SRGAP2B: variants seen among roughly 807,000 people sequenced by gnomAD.
SRGAP2B encodes the protein SLIT-ROBO Rho GTPase activating protein 2B, also known as SLIT-ROBO Rho GTPase-activating protein 2B.
Under a neutral mutation model 22.2 loss-of-function variants are expected in SRGAP2B, and 9 were observed. The ratio of observed to expected loss-of-function variants is 0.41; its 90% CI spans 0.24 to 0.71. The LOEUF (loss-of-function observed/expected upper bound fraction) is 0.71. SRGAP2B is among the 30% of genes least tolerant of loss of function. The probability of loss-of-function intolerance (pLI) is 0.35; values close to 1 mark genes in which losing one functional copy is unlikely to be tolerated. For synonymous variants in SRGAP2B, 36 were observed against 87.4 expected, an observed-to-expected ratio of 0.41 and a Z score of 3.28; for missense variants, 114 against 235.8, an observed-to-expected ratio of 0.48 and a Z score of 3.38.
At chr1:144,951,112 C>A (rs587684093) in intron 4 of SRGAP2B, among the ~76,000 whole-genome samples, 2 of 150,810 alleles carry the variant, frequency 1.3e-5, no homozygotes, top group Non-Finnish European at 2.9e-5. Context: ...CCTCCCAAAG[C>A]GCTGCGATTA....
At chr1:144,926,759 T>A (rs1171244969) in intron 4 of SRGAP2B, among the ~76,000 whole-genome samples, 1 of 143,744 alleles carries the variant, frequency 7.0e-6, no homozygotes, top group Non-Finnish European at 1.5e-5. Flanking sequence ...CTTGGGACGC[T>A]GAGGTGGGAG....
chr1:145,089,101 A>C (rs1231914644), intron 2 of SRGAP2B, among the ~76,000 whole-genome samples: 3 of 151,412 alleles, frequency 2.0e-5, no homozygotes, highest in African/African-American at 7.3e-5. Context: ...ACCATTATTT[A>C]TCAGGGACTT....
intron 4 of SRGAP2B, chr1:144,917,825 C>T (rs1553603956): frequency 2.2e-5 from 2 of 89,642 alleles, no homozygotes; most frequent in Non-Finnish European, 4.0e-5. Flanking sequence ...AGTGTCTCTC[C>T]TTTCACAGAT....
At chr1:144,913,892 C>T (rs1553603281) in intron 5 of SRGAP2B, among the ~76,000 whole-genome samples, 1 of 148,078 alleles carries the variant, frequency 6.8e-6, no homozygotes, top group Non-Finnish European at 1.5e-5. Flanking sequence ...GGAGAAGGGG[C>T]CCCTGAAAGG....
intron 3 of SRGAP2B, among the ~76,000 whole-genome samples, chr1:144,985,319 A>C (rs1276406189): frequency 7.0e-6 from 1 of 143,458 alleles, no homozygotes; most frequent in Non-Finnish European, 1.5e-5. Flanking sequence ...CGCTGAAAAG[A>C]TACTGACAGT....
Position 144,906,078 on chromosome 1 carries a change from C to T in SRGAP2B, c.487-4G>A. ...ACATGTGATATGTCTTCATGACCTG[C>T]AAGACATCGCCCACCCCCACCCCCA... On this transcript the variant is annotated splice_polypyrimidine_tract_variant and splice_region_variant and intron_variant, in intron 5 of 9. Transcript: ENST00000612199. 1 of 710,030 alleles carries T rather than the reference C, an allele frequency of 1.4e-6. No individual in the cohort carries two copies. The highest frequency in any genetic ancestry group is 2.7e-5 in the East Asian group (1 of 37,092). 44.0% of individuals were successfully genotyped at this position (710,030 alleles called of 1,614,324 possible). A position where few individuals can be genotyped will look rare whatever the true frequency, so the allele number is the denominator to read the frequency against.
intron 4 of SRGAP2B, among the ~76,000 whole-genome samples, chr1:144,915,299 G>A (rs1337674983): frequency 1.3e-5 from 2 of 150,642 alleles, no homozygotes; most frequent in Non-Finnish European, 2.9e-5. Context: ...GACTGCCTGA[G>A]AGATTAGCTG....
chr1:144,991,406 A>T (rs1250229504), intron 3 of SRGAP2B, among the ~76,000 whole-genome samples: 1 of 147,796 alleles, frequency 6.8e-6, no homozygotes, highest in African/African-American at 2.6e-5. Context: ...TCTGGTGAGG[A>T]CATGGAGAAC....
intron 2 of SRGAP2B, among the ~76,000 whole-genome samples, chr1:145,092,018 TCA>T: frequency 6.7e-6 from 1 of 149,760 alleles, no homozygotes; most frequent in South Asian, 2.1e-4. Flanking sequence ...AGAAGACAGG[TCA>T]CTTGGTTTCT....
At chr1:145,012,404 TA>T (rs1672122560) in intron 2 of SRGAP2B, among the ~76,000 whole-genome samples, 1 of 149,898 alleles carries the variant, frequency 6.7e-6, no homozygotes, top group South Asian at 2.1e-4. Context: ...TTTACTTTTT[TA>T]AAAAAATAAG....
chr1:145,001,891 G>A (rs1671201084), intron 2 of SRGAP2B, among the ~76,000 whole-genome samples: 1 of 149,506 alleles, frequency 6.7e-6, no homozygotes, highest in Non-Finnish European at 1.5e-5. Flanking sequence ...GGGGGGTGGT[G>A]CATGCCTTTA....
chr1:144,915,419 T>A (rs1306126692), intron 4 of SRGAP2B, among the ~76,000 whole-genome samples: 1 of 150,570 alleles, frequency 6.6e-6, no homozygotes, highest in African/African-American at 2.5e-5. Context: ...TCTAACTACA[T>A]AGAGCAGTAG....
chr1:144,971,156 G>A (rs1234584778), intron 3 of SRGAP2B, among the ~76,000 whole-genome samples: 1 of 147,298 alleles, frequency 6.8e-6, no homozygotes, highest in East Asian at 2.0e-4. Context: ...TTGAGACGGA[G>A]TTTCACTCTT....
chr1:145,039,469 T>C (rs1314158247), intron 2 of SRGAP2B, among the ~76,000 whole-genome samples: 71 of 146,284 alleles, frequency 4.9e-4, no homozygotes, highest in Non-Finnish European at 9.0e-4. Context: ...GATGAGACCC[T>C]GTCTCTTTTA....
At chr1:144,986,792 C>T (rs1392722010) in intron 3 of SRGAP2B, among the ~76,000 whole-genome samples, 2 of 149,002 alleles carry the variant, frequency 1.3e-5, no homozygotes, top group Non-Finnish European at 3.0e-5. Context: ...AACCCTGTCG[C>T]CTGGCATTCA....
Position 145,093,672 on chromosome 1 carries a change from G to A in SRGAP2B, c.-542-229C>T, listed in dbSNP as rs1400425871. Among the ~76,000 whole-genome samples the A allele has an allele frequency of 2.0e-5, 3 of 146,356 alleles. 1 individual carries two copies. The highest frequency in any genetic ancestry group is 4.4e-5 in the Non-Finnish European group (3 of 67,722). On this transcript the variant is annotated intron_variant, in intron 1 of 9. Transcript: ENST00000612199. ...TGGAGCAGCCGCCTGCGCGGGCTCCGGGCGGGAACTGCAGGAACGCGGGGC... is the reference window on the plus strand; with the variant it reads ...TGGAGCAGCCGCCTGCGCGGGCTCCAGGCGGGAACTGCAGGAACGCGGGGC...
chr1:145,005,570 AAGTTC>A lies in SRGAP2B; in HGVS notation c.68-10375_68-10371del, dbSNP rs756671734. Among the ~76,000 whole-genome samples, 696 of 147,934 alleles carry A rather than the reference AAGTTC, an allele frequency of 4.7e-3. 5 individuals are homozygous for A. The highest frequency in any genetic ancestry group is 8.0e-3 in the Admixed American group (119 of 14,960). On this transcript the variant is annotated intron_variant, in intron 2 of 9. Transcript: ENST00000612199. ...ACAAAAATGATTAAAGAAGACCAAGAAGTTCAGTTGGCCCGTGAAATGCCTACGAA... is the reference window on the plus strand; with the variant it reads ...ACAAAAATGATTAAAGAAGACCAAGAAGTTGGCCCGTGAAATGCCTACGAA...
chr1:144,971,151 A>G (rs1668484901), intron 3 of SRGAP2B, among the ~76,000 whole-genome samples: 1 of 145,742 alleles, frequency 6.9e-6, no homozygotes, highest in Non-Finnish European at 1.5e-5. Context: ...TTTTTTTGAG[A>G]CGGAGTTTCA....
chr1:144,924,868 G>A (rs1664544683), intron 4 of SRGAP2B, among the ~76,000 whole-genome samples: 2 of 149,560 alleles, frequency 1.3e-5, no homozygotes, highest in South Asian at 4.2e-4. Flanking sequence ...ACTGAGACAG[G>A]TGTGTTAAAT....
Sources: allele counts gnomAD v4.1 joint callset (sites outside exome capture counted in the v4.1 genomes callset), GRCh38; gene constraint gnomAD v4.1.1; transcripts MANE v1.5; gene names NCBI Gene and HGNC (gene_info 2026-07-23, HGNC 2026-07-21).